LOC128125822: variants seen among roughly 807,000 people sequenced by gnomAD.
chr6:63,581,802 A>G, the LOC128125822 span: 4 of 152,146 alleles, frequency 2.6e-5, no homozygotes, highest in African/African-American at 4.8e-5. Flanking sequence ...CTCCTTTGCA[A>G]ATTAATAATT....
the LOC128125822 span, among the ~76,000 whole-genome samples, chr6:63,575,762 A>G: frequency 6.6e-6 from 1 of 152,044 alleles, no homozygotes; most frequent in East Asian, 1.9e-4. Context: ...ATTTCACATA[A>G]CAAGTTGATT....
chr6:63,572,893 G>A, the LOC128125822 span, among the ~76,000 whole-genome samples: 1 of 152,086 alleles, frequency 6.6e-6, no homozygotes, highest in African/African-American at 2.4e-5. Flanking sequence ...GCCGATTGCG[G>A]CCGGCTGTGC....
At chr6:63,582,355 A>G in the LOC128125822 span, 2 of 152,668 alleles carry the variant, frequency 1.3e-5, no homozygotes, top group Non-Finnish European at 2.9e-5. Flanking sequence ...TTGAGTTTGA[A>G]AAGAAATTAA....
At chr6:63,573,909 A>G in the LOC128125822 span, among the ~76,000 whole-genome samples, 3 of 152,094 alleles carry the variant, frequency 2.0e-5, no homozygotes, top group African/African-American at 7.2e-5. Flanking sequence ...GTTTAGAACT[A>G]TCCCTGAGCT....
chr6:63,579,999 T>G, the LOC128125822 span: 3 of 1,306,554 alleles, frequency 2.3e-6, no homozygotes, highest in Admixed American at 3.8e-5. Flanking sequence ...TATAAGACAC[T>G]AAATATTACT....
At chr6:63,580,314 C>T in the LOC128125822 span, 2 of 701,616 alleles carry the variant, frequency 2.9e-6, no homozygotes, top group Non-Finnish European at 4.8e-6. Flanking sequence ...AGGCCTCAAG[C>T]TAGACAGATT....
the LOC128125822 span, chr6:63,579,360 A>G: frequency 2.8e-5 from 43 of 1,509,988 alleles, no homozygotes; most frequent in Non-Finnish European, 3.6e-5. Context: ...TTTCATTTGT[A>G]CTCTCTTTCA....
the LOC128125822 span, among the ~76,000 whole-genome samples, chr6:63,575,330 T>G: frequency 6.6e-6 from 1 of 152,204 alleles, no homozygotes; most frequent in Non-Finnish European, 1.5e-5. Flanking sequence ...AATACTTTCC[T>G]TAGTGCCCTC....
chr6:63,572,572 C>CCCGCCGCCGCCTGCATCGCCG, the LOC128125822 span: 2 of 413,554 alleles, frequency 4.8e-6, no homozygotes, highest in Non-Finnish European at 8.4e-6. Flanking sequence ...GTCTGGTGCC[C>CCCGCCGCCGCCTGCATCGCCG]CCGCCGCCGC....
chr6:63,578,854 T>TG, the LOC128125822 span: 1 of 1,436,576 alleles, frequency 7.0e-7, no homozygotes, highest in East Asian at 2.4e-5. Flanking sequence ...TACTACAGTG[T>TG]TTATATTAAT....
the LOC128125822 span, among the ~76,000 whole-genome samples, chr6:63,575,760 TAAC>T: frequency 8.9e-4 from 136 of 152,300 alleles, no homozygotes; most frequent in Admixed American, 1.8e-3. Context: ...ATATTTCACA[TAAC>T]AAGTTGATTT....
the LOC128125822 span, among the ~76,000 whole-genome samples, chr6:63,572,874 CTGTGGCCGGCCGAT>C: frequency 6.6e-6 from 1 of 151,998 alleles, no homozygotes; most frequent in Non-Finnish European, 1.5e-5. Context: ...GGTTATGGCC[CTGTGGCCGGCCGAT>C]TGCGGCCGGC....
chr6:63,578,323 A>G, the LOC128125822 span: 1 of 1,231,726 alleles, frequency 8.1e-7, no homozygotes, highest in Non-Finnish European at 1.1e-6. Context: ...GCATTCTTTA[A>G]ATGATCTTCT....
chr6:63,577,225 A>C, the LOC128125822 span, among the ~76,000 whole-genome samples: 1 of 152,166 alleles, frequency 6.6e-6, no homozygotes, highest in South Asian at 2.1e-4. Context: ...GTGGACAGTA[A>C]AACAGTATAG....
chr6:63,575,637 G>A, the LOC128125822 span, among the ~76,000 whole-genome samples: 2 of 152,126 alleles, frequency 1.3e-5, no homozygotes, highest in African/African-American at 4.8e-5. Context: ...AGTTGTATAT[G>A]TGAAATTTTG....
chr6:63,583,293 C>T, the LOC128125822 span: 1 of 152,184 alleles, frequency 6.6e-6, no homozygotes, highest in African/African-American at 2.4e-5. Flanking sequence ...TAATATTCTA[C>T]ATTCTTGCTT....
At chr6:63,574,003 T>A in the LOC128125822 span, among the ~76,000 whole-genome samples, 1 of 152,152 alleles carries the variant, frequency 6.6e-6, no homozygotes. Context: ...TTTTTTATCT[T>A]CTGTCCGCGG....
the LOC128125822 span, chr6:63,581,522 T>C: frequency 2.6e-5 from 4 of 152,458 alleles, no homozygotes; most frequent in African/African-American, 4.8e-5. Context: ...CTTCACTTAA[T>C]GTGTGTCCTC....
the LOC128125822 span, among the ~76,000 whole-genome samples, chr6:63,577,247 C>A: frequency 6.6e-6 from 1 of 152,100 alleles, no homozygotes; most frequent in Non-Finnish European, 1.5e-5. Flanking sequence ...TCTTACTTAT[C>A]TTGTAAGAAA....
Sources: allele counts gnomAD v4.1 joint callset (sites outside exome capture counted in the v4.1 genomes callset), GRCh38; gene constraint gnomAD v4.1.1; transcripts MANE v1.5.